SMCO4: variants seen among roughly 807,000 people sequenced by gnomAD.
SMCO4 encodes single-pass membrane and coiled-coil domain-containing protein 4.
A neutral mutation model predicts 3.6 loss-of-function variants in SMCO4; 4 were observed. That is an observed-to-expected ratio of 1.11 (90% confidence interval 0.54 to 2.53). The LOEUF is 2.53. Among genes scored for constraint, SMCO4 ranks in the 30% most tolerant of loss-of-function variants. The probability of loss-of-function intolerance (pLI) is 0.02; values close to 1 mark genes in which losing one functional copy is unlikely to be tolerated. For synonymous variants in SMCO4, 36 were observed against 35.3 expected (o/e 1.02, Z -0.07); for missense variants, 70 against 80.8 (o/e 0.87, Z 0.51).
intron 2 of SMCO4, among the ~76,000 whole-genome samples, chr11:93,488,310 GA>G (rs961827509): frequency 2.0e-5 from 3 of 152,194 alleles, no homozygotes; most frequent in Non-Finnish European, 4.4e-5. Context: ...GTCACAGAGG[GA>G]GCAGCAGAGG....
intron 1 of SMCO4, among the ~76,000 whole-genome samples, chr11:93,512,562 A>G (rs1591317444): frequency 6.6e-6 from 1 of 152,160 alleles, no homozygotes; most frequent in African/African-American, 2.4e-5. Context: ...TGTACCTTTT[A>G]TATGTTTAGA....
intron 2 of SMCO4, among the ~76,000 whole-genome samples, chr11:93,490,453 T>C (rs1948701583): frequency 1.3e-5 from 2 of 152,186 alleles, no homozygotes; most frequent in South Asian, 2.1e-4. Flanking sequence ...CAACACAAAC[T>C]GAAATCAGAG....
intron 1 of SMCO4, among the ~76,000 whole-genome samples, chr11:93,512,721 T>G (rs901441273): frequency 4.6e-5 from 7 of 152,158 alleles, no homozygotes; most frequent in Non-Finnish European, 1.0e-4. Context: ...GTAAGCACAC[T>G]CTACAATATT....
intron 1 of SMCO4, among the ~76,000 whole-genome samples, chr11:93,517,541 A>G (rs1949018656): frequency 1.3e-5 from 2 of 152,316 alleles, no homozygotes; most frequent in Middle Eastern, 3.4e-3. Context: ...GATGGCTGAA[A>G]TCAACTCCAA....
At chr11:93,486,343 G>T (rs1565372918) in intron 2 of SMCO4, among the ~76,000 whole-genome samples, 1 of 152,176 alleles carries the variant, frequency 6.6e-6, no homozygotes, top group East Asian at 1.9e-4. Flanking sequence ...TCCCCTACAA[G>T]GCATGTGGAC....
chr11:93,499,081 T>A (rs557135351), intron 2 of SMCO4, among the ~76,000 whole-genome samples, 195 bp downstream of exon 2: 2 of 151,962 alleles, frequency 1.3e-5, no homozygotes, highest in African/African-American at 4.8e-5. Flanking sequence ...GCAGGAGAAA[T>A]CACCCGCAGC....
intron 2 of SMCO4, among the ~76,000 whole-genome samples, chr11:93,483,706 C>A (rs1394161231): frequency 6.6e-6 from 1 of 152,190 alleles, no homozygotes; most frequent in Non-Finnish European, 1.5e-5. Flanking sequence ...GTCCCTTACA[C>A]TGGAAAGAGC....
chr11:93,484,416 T>C (rs1052193772), intron 2 of SMCO4, among the ~76,000 whole-genome samples: 2 of 152,240 alleles, frequency 1.3e-5, no homozygotes, highest in African/African-American at 4.8e-5. Context: ...GAACACAGGT[T>C]TGAAGTCAGG....
rs538055548 is a variant in SMCO4 at position 93,534,379 on chromosome 11, G to T, written c.-154+8897C>A. Among the ~76,000 whole-genome samples, 313 of 143,822 alleles carry T rather than the reference G, an allele frequency of 2.2e-3. 2 individuals are homozygous for T. Among genetic ancestry groups the T allele is most frequent in the African/African-American group, 6.3e-3 (249 of 39,742 alleles). The allele number at this position is 143,822 out of a possible 152,430, so 94.4% of individuals were successfully genotyped here. A position where few individuals can be genotyped will look rare whatever the true frequency, so the allele number is the denominator to read the frequency against. On this transcript the variant is annotated intron_variant, in intron 1 of 2. Transcript: ENST00000298966. ...ATACATATATATATATATATATAGA[G>T]AGAGAGAGAGAGAGAGATACATATA...
chr11:93,507,313 T>TC (rs1314307837), intron 1 of SMCO4, among the ~76,000 whole-genome samples: 2 of 152,068 alleles, frequency 1.3e-5, no homozygotes, highest in African/African-American at 4.8e-5. Context: ...GGCATGAGAA[T>TC]CACTTGAACC....
At chr11:93,536,693 G>T (rs1216247458) in intron 1 of SMCO4, among the ~76,000 whole-genome samples, 1 of 152,250 alleles carries the variant, frequency 6.6e-6, no homozygotes, top group Middle Eastern at 3.4e-3. Flanking sequence ...CTGGGTGAAG[G>T]GGAATGTGAC....
intron 2 of SMCO4, among the ~76,000 whole-genome samples, chr11:93,486,848 T>C (rs2134575016): frequency 6.6e-6 from 1 of 152,312 alleles, no homozygotes; most frequent in Non-Finnish European, 1.5e-5. Flanking sequence ...CTCAATGCTG[T>C]TCTCCTTTTC....
chr11:93,509,235 G>A (rs924804729), intron 1 of SMCO4, among the ~76,000 whole-genome samples: 3 of 151,622 alleles, frequency 2.0e-5, no homozygotes, highest in African/African-American at 7.3e-5. Context: ...AGGCTGCAGT[G>A]AGCTATGATT....
the SMCO4 span, among the ~76,000 whole-genome samples, chr11:93,550,963 C>CT: frequency 6.6e-6 from 1 of 152,162 alleles, no homozygotes; most frequent in East Asian, 1.9e-4. Context: ...TCAACTATGT[C>CT]TTTTTCCCCA....
intron 1 of SMCO4, among the ~76,000 whole-genome samples, chr11:93,502,520 A>G (rs1180946637): frequency 6.6e-6 from 1 of 152,228 alleles, no homozygotes; most frequent in African/African-American, 2.4e-5. Context: ...AGGGCAGACT[A>G]TATCAAAGGA....
At position 93,534,259 on chromosome 11, in the gene SMCO4, CACAA is replaced by C. The variant is rs1432654530; in HGVS notation, c.-154+9013_-154+9016del. 4.6e-4 allele frequency among the ~76,000 whole-genome samples: 55 copies of C among 120,564 alleles called. 1 individual carries two copies. Among genetic ancestry groups the C allele is most frequent in the Admixed American group, 3.1e-3 (37 of 11,934 alleles). 79.1% of individuals were successfully genotyped at this position (120,564 alleles called of 152,430 possible). The stretch of plus-strand genomic sequence containing the variant: ...ACACACACACACACACACACACACA[CACAA>C]ACACATATATATATACATATATACA... On this transcript the variant is annotated intron_variant, in intron 1 of 2. Coordinates refer to ENST00000298966, the MANE Select transcript of SMCO4 (RefSeq NM_020179.3).
At chr11:93,545,550 T>TG (rs1349612868), upstream of SMCO4, among the ~76,000 whole-genome samples, 1 of 124,278 alleles carries the variant, frequency 8.0e-6, no homozygotes, top group Non-Finnish European at 1.6e-5. Context: ...ATCATGCCAC[T>TG]GCACTCCAGC....
intron 1 of SMCO4, among the ~76,000 whole-genome samples, chr11:93,511,428 G>A (rs991739539): frequency 1.3e-4 from 20 of 149,320 alleles, no homozygotes; most frequent in African/African-American, 3.7e-4. Flanking sequence ...TTGATAAAAA[G>A]AAAAAAAAAA....
chr11:93,504,195 T>C (rs1178035473), intron 1 of SMCO4, among the ~76,000 whole-genome samples: 3 of 152,176 alleles, frequency 2.0e-5, no homozygotes, highest in Non-Finnish European at 4.4e-5. Context: ...AGATTAGAAA[T>C]CAAGAGGTCC....
Sources: gnomAD v4.1 joint callset for allele counts (sites outside exome capture counted in the v4.1 genomes callset) on GRCh38, gnomAD v4.1.1 for gene constraint, MANE v1.5 for transcripts, NCBI Gene and HGNC (gene_info 2026-07-23, HGNC 2026-07-21) for gene names.